EPM2A: variants seen among roughly 807,000 people sequenced by gnomAD.
The protein encoded by EPM2A is EPM2A glucan phosphatase, laforin.
A neutral mutation model predicts 26.5 loss-of-function variants in EPM2A; 21 were observed. That is an observed-to-expected ratio of 0.79 (90% CI 0.56 to 1.14). EPM2A has a LOEUF of 1.14. EPM2A is among the 50% of genes most tolerant of loss of function. EPM2A has a pLI of 0.00. For missense variants in EPM2A, 458 were observed against 440.8 expected, an observed-to-expected ratio of 1.04 and a Z score of -0.35; for synonymous variants, 217 against 177.6, an observed-to-expected ratio of 1.22 and a Z score of -1.76.
intron 2 of EPM2A, among the ~76,000 whole-genome samples, chr6:145,533,875 A>G (rs1780395786): frequency 6.6e-6 from 1 of 152,138 alleles, no homozygotes; most frequent in South Asian, 2.1e-4. Flanking sequence ...TCTAAAACAT[A>G]AGATTCAGGA....
chr6:145,418,123 C>T (rs1426724785), intron 4 of EPM2A, among the ~76,000 whole-genome samples: 1 of 152,174 alleles, frequency 6.6e-6, no homozygotes, highest in Non-Finnish European at 1.5e-5. Context: ...AGCCATTGCA[C>T]ATTTCTGTTC....
intron 2 of EPM2A, chr6:145,639,355 A>C (rs1776916632): frequency 6.6e-6 from 1 of 152,222 alleles, no homozygotes; most frequent in African/African-American, 2.4e-5. Context: ...TATGCATTCA[A>C]GTCACATGAG....
chr6:145,647,107 T>C (rs912563950), intron 2 of EPM2A, among the ~76,000 whole-genome samples: 2 of 152,052 alleles, frequency 1.3e-5, no homozygotes, highest in African/African-American at 4.8e-5. Context: ...GTCACTAGAG[T>C]GATCGTTTTA....
rs200641543 is a variant in EPM2A at position 145,627,636 on chromosome 6, C to T, written c.776G>A (p.Gly259Glu). 28 of 1,614,216 alleles carry T rather than the reference C, an allele frequency of 1.7e-5. No individual in the cohort carries two copies. In the African/African-American group the frequency reaches 3.2e-4, roughly 18 times the overall value. ...GTTGCAGTGCACGTACACGATGTGTCCCTTCTCCAGCAGCGCATGCAGCAG... is the reference window on the plus strand; with the variant it reads ...GTTGCAGTGCACGTACACGATGTGTTCCTTCTCCAGCAGCGCATGCAGCAG... ...VCLLHALLEK[G>E]HIVYVHCNAG... Residue 259 changes from glycine to glutamate, a missense_variant, in exon 4 of 4, where the codon GGA (glycine) becomes GAA (glutamate). Physicochemically the swap from Gly to Glu is moderately conservative, Grantham distance 98. Transcript: ENST00000367519.
chr6:145,495,415 A>G (rs903804838), intron 4 of EPM2A, among the ~76,000 whole-genome samples: 4 of 151,910 alleles, frequency 2.6e-5, no homozygotes, highest in African/African-American at 7.3e-5. Context: ...TGAAGACAAC[A>G]TACTGATGGG....
chr6:145,386,945 C>A (rs182658290), intron 4 of EPM2A, among the ~76,000 whole-genome samples: 32 of 152,196 alleles, frequency 2.1e-4, no homozygotes, highest in Admixed American at 2.0e-3. Context: ...TATTGACATA[C>A]TTTAGGGGAT....
chr6:145,622,723 TCGCA>T (rs1775663088), downstream of EPM2A, among the ~76,000 whole-genome samples: 1 of 152,172 alleles, frequency 6.6e-6, no homozygotes, highest in South Asian at 2.1e-4. Context: ...ACATTCTCCC[TCGCA>T]GCCCTCAGGA....
intron 4 of EPM2A, among the ~76,000 whole-genome samples, chr6:145,434,262 C>CTT (rs1324256724): frequency 5.4e-5 from 8 of 147,630 alleles, no homozygotes; most frequent in African/African-American, 2.0e-4. Context: ...TTATCTCTCT[C>CTT]TCTCTTTTTT....
intron 2 of EPM2A, among the ~76,000 whole-genome samples, chr6:145,591,865 A>G (rs1167596657): frequency 6.6e-6 from 1 of 151,870 alleles, no homozygotes; most frequent in African/African-American, 2.4e-5. Flanking sequence ...TAGATGAGTA[A>G]AGCAAATGAA....
chr6:145,543,116 C>T (rs1297672876), intron 2 of EPM2A, among the ~76,000 whole-genome samples: 1 of 152,086 alleles, frequency 6.6e-6, no homozygotes, highest in Non-Finnish European at 1.5e-5. Context: ...TTGCATTTCT[C>T]ACCAATTCTC....
intron 1 of EPM2A, among the ~76,000 whole-genome samples, chr6:145,689,773 T>C (rs1781157721): frequency 6.6e-6 from 1 of 152,198 alleles, no homozygotes. Context: ...TGTATTGCAG[T>C]GCCTCAACCC....
rs1169485269 is a variant in EPM2A at position 145,484,990 on chromosome 6, A to AATATATATATATATATT, written c.555+17515_555+17531dup. On this transcript the variant is annotated intron_variant, in intron 4 of 4. Coordinates refer to the EPM2A transcript ENST00000638717. ...ATAGATGTCTGATTAATGACATTAA[A>AATATATATATATATATT]ATATATATATATATATTATATATAT... Among the ~76,000 whole-genome samples, 4 of 146,614 alleles carry AATATATATATATATATT rather than the reference A, an allele frequency of 2.7e-5. No individual in the cohort carries two copies. In the East Asian group the frequency reaches 8.0e-4, roughly 29 times the overall value.
chr6:145,455,911 T>C (rs1779257208), intron 4 of EPM2A, among the ~76,000 whole-genome samples: 1 of 152,226 alleles, frequency 6.6e-6, no homozygotes, highest in South Asian at 2.1e-4. Context: ...TGTTTGAATA[T>C]TCAGTTTTAG....
chr6:145,646,972 C>T (rs774256145), intron 2 of EPM2A, among the ~76,000 whole-genome samples: 2 of 152,104 alleles, frequency 1.3e-5, no homozygotes, highest in Non-Finnish European at 2.9e-5. Context: ...ATTAGCCCAC[C>T]ATAAAAGTCA....
At chr6:145,543,230 G>A (rs1010897052) in intron 2 of EPM2A, among the ~76,000 whole-genome samples, 1 of 151,648 alleles carries the variant, frequency 6.6e-6, no homozygotes, top group African/African-American at 2.4e-5. Flanking sequence ...TCTTAATCAC[G>A]AAGAATGAAT....
chr6:145,592,449 T>C (rs1437291800), intron 2 of EPM2A, among the ~76,000 whole-genome samples: 4 of 152,162 alleles, frequency 2.6e-5, no homozygotes, highest in Non-Finnish European at 5.9e-5. Flanking sequence ...TTTGCTATTG[T>C]GAATAGTGCC....
At chr6:145,464,607 T>A (rs1366274174) in intron 4 of EPM2A, among the ~76,000 whole-genome samples, 2 of 152,176 alleles carry the variant, frequency 1.3e-5, no homozygotes. Context: ...TAGTTCATTG[T>A]ATAATTTTTT....
intron 4 of EPM2A, among the ~76,000 whole-genome samples, chr6:145,418,581 GC>G (rs1778739335): frequency 6.6e-6 from 1 of 152,180 alleles, no homozygotes; most frequent in African/African-American, 2.4e-5. Context: ...TGTTGCTGGG[GC>G]CACCCGCTAC....
intron 1 of EPM2A, among the ~76,000 whole-genome samples, chr6:145,709,815 G>A (rs988063009): frequency 1.3e-5 from 2 of 152,114 alleles, no homozygotes; most frequent in Non-Finnish European, 1.5e-5. Context: ...GGCAGAGGCA[G>A]CAAGATAAAA....
Sources: allele counts gnomAD v4.1 joint callset (sites outside exome capture counted in the v4.1 genomes callset), GRCh38; gene constraint gnomAD v4.1.1; transcripts MANE v1.5; gene names NCBI Gene and HGNC (gene_info 2026-07-23, HGNC 2026-07-21).